Variants in PDE4D observed in about 807,000 individuals in gnomAD.
PDE4D encodes the protein phosphodiesterase 4D, also known as 3',5'-cyclic-AMP phosphodiesterase 4D.
Under a neutral mutation model 87.4 loss-of-function variants are expected in PDE4D, and 24 were observed. That is an observed-to-expected ratio of 0.27 (90% CI 0.20 to 0.39). PDE4D has a LOEUF of 0.39. PDE4D is among the 10% of genes least tolerant of loss of function. The pLI, the probability that PDE4D is intolerant of heterozygous loss-of-function variation, is 1.00. For synonymous variants in PDE4D, 384 were observed against 383.2 expected (o/e 1.00, Z -0.02); for missense variants, 714 against 1,041.0 (o/e 0.69, Z 4.32).
At chr5:60,320,726 A>G (rs1392201253) in intron 1 of PDE4D, among the ~76,000 whole-genome samples, 1 of 152,224 alleles carries the variant, frequency 6.6e-6, no homozygotes, top group Non-Finnish European at 1.5e-5. Flanking sequence ...TACAAAATCA[A>G]TATTCAAAAA....
chr5:59,856,002 A>G (rs950223283), intron 1 of PDE4D, among the ~76,000 whole-genome samples: 15 of 152,172 alleles, frequency 9.9e-5, no homozygotes, highest in African/African-American at 3.6e-4. Context: ...TAGAGAATCT[A>G]AAGAGAATTA....
chr5:59,656,515 T>C (rs1052689132), intron 1 of PDE4D, among the ~76,000 whole-genome samples: 1 of 152,154 alleles, frequency 6.6e-6, no homozygotes, highest in African/African-American at 2.4e-5. Flanking sequence ...CAGAAAGCAG[T>C]TATAGCCAAT....
rs558677290 is a variant in PDE4D, at chr5:58,974,354, G to T, written c.*310C>A. On this transcript the variant is annotated 3_prime_UTR_variant, in exon 15 of 15. Coordinates refer to ENST00000340635, the MANE Select transcript of PDE4D (RefSeq NM_001104631.2). ...AAACCCCAAGTCCAATAAACTTTTGGGCTGCCTGATGAGTCACACTCTCTT... is the reference window on the plus strand; with the variant it reads ...AAACCCCAAGTCCAATAAACTTTTGTGCTGCCTGATGAGTCACACTCTCTT... 1.5e-4 allele frequency: 33 copies of T among 213,608 alleles called. No homozygotes were observed. Among genetic ancestry groups the T allele is most frequent in the Non-Finnish European group, 2.7e-4 (29 of 108,228 alleles). 13.2% of individuals were successfully genotyped at this position (213,608 alleles called of 1,614,324 possible).
At chr5:59,287,061 A>G (rs1767089743) in intron 1 of PDE4D, among the ~76,000 whole-genome samples, 1 of 152,150 alleles carries the variant, frequency 6.6e-6, no homozygotes, top group African/African-American at 2.4e-5. Context: ...ACCAAAAATC[A>G]GCTTAGGTAC....
intron 1 of PDE4D, among the ~76,000 whole-genome samples, chr5:59,689,472 CAT>C (rs1750520921): frequency 6.6e-6 from 1 of 152,152 alleles, no homozygotes; most frequent in African/African-American, 2.4e-5. Context: ...ACAAAAGCCA[CAT>C]GATTCTCTCA....
intron 1 of PDE4D, among the ~76,000 whole-genome samples, chr5:60,275,470 A>T (rs1751268865): frequency 6.6e-6 from 1 of 152,168 alleles, no homozygotes; most frequent in Admixed American, 6.5e-5. Flanking sequence ...AAAAAAGGTC[A>T]CCACAAGTAA....
At chr5:59,242,528 C>A (rs897462342) in intron 1 of PDE4D, among the ~76,000 whole-genome samples, 1 of 152,112 alleles carries the variant, frequency 6.6e-6, no homozygotes, top group Non-Finnish European at 1.5e-5. Flanking sequence ...TTAGCAATGT[C>A]AGAAGAGACA....
intron 5 of PDE4D, among the ~76,000 whole-genome samples, chr5:59,050,170 G>A (rs1316477889): frequency 1.3e-5 from 2 of 152,188 alleles, no homozygotes; most frequent in African/African-American, 4.8e-5. Context: ...GGGAGGCTGA[G>A]GCAGGAGAAT....
chr5:60,515,996 G>C (rs144233430), intron 1 of PDE4D, among the ~76,000 whole-genome samples: 96 of 152,236 alleles, frequency 6.3e-4, no homozygotes, highest in African/African-American at 2.3e-3. Context: ...TATGCTCTAA[G>C]TGTCTATAAA....
intron 3 of PDE4D, among the ~76,000 whole-genome samples, chr5:59,950,049 T>C (rs1758135944): frequency 6.6e-6 from 1 of 152,208 alleles, no homozygotes; most frequent in Non-Finnish European, 1.5e-5. Flanking sequence ...ATTTTCAAAA[T>C]AGTATAGGCA....
intron 1 of PDE4D, among the ~76,000 whole-genome samples, chr5:59,315,990 T>G (rs2153568660): frequency 6.6e-6 from 1 of 152,254 alleles, no homozygotes; most frequent in Admixed American, 6.5e-5. Flanking sequence ...GTTGCCCACT[T>G]GGTCCCTTCC....
chr5:60,407,745 G>A (rs1321400741), intron 1 of PDE4D, among the ~76,000 whole-genome samples: 5 of 151,844 alleles, frequency 3.3e-5, no homozygotes, highest in Non-Finnish European at 7.4e-5. Context: ...GAGCCACCAC[G>A]CTTGGCCCCT....
chr5:59,906,667 A>T (rs1468457489), intron 3 of PDE4D, among the ~76,000 whole-genome samples: 1 of 152,176 alleles, frequency 6.6e-6, no homozygotes, highest in Non-Finnish European at 1.5e-5. Flanking sequence ...ATATTAGAAT[A>T]AAAAAGCTCA....
At chr5:59,480,377 A>T (rs1181191171) in intron 1 of PDE4D, among the ~76,000 whole-genome samples, 1 of 152,150 alleles carries the variant, frequency 6.6e-6, no homozygotes, top group Non-Finnish European at 1.5e-5. Flanking sequence ...TCATATTACA[A>T]TGAAGATAAT....
intron 1 of PDE4D, among the ~76,000 whole-genome samples, chr5:59,408,936 C>G (rs1249372538): frequency 6.6e-6 from 1 of 152,000 alleles, no homozygotes; most frequent in Non-Finnish European, 1.5e-5. Context: ...CACCTGAGGT[C>G]AGGAGTTCAA....
intron 1 of PDE4D, among the ~76,000 whole-genome samples, chr5:60,345,566 C>CA (rs529743142): frequency 0.054 from 6,771 of 124,388 alleles, 169 homozygotes; most frequent in East Asian, 0.16. Context: ...CTTCCCTCTC[C>CA]AAAAAAAAAA....
At chr5:59,204,830 T>A (rs921388181) in intron 2 of PDE4D, among the ~76,000 whole-genome samples, 2 of 152,188 alleles carry the variant, frequency 1.3e-5, no homozygotes, top group Non-Finnish European at 2.9e-5. Flanking sequence ...GGGAAAAGAT[T>A]TTTGGTCAAC....
intron 11 of PDE4D, among the ~76,000 whole-genome samples, chr5:58,979,165 T>C (rs1172288393): frequency 6.6e-6 from 1 of 152,144 alleles, no homozygotes; most frequent in African/African-American, 2.4e-5. Context: ...GGGTGATCTG[T>C]TGTATGGAAG....
chr5:59,906,228 G>A (rs1752794740), intron 3 of PDE4D, among the ~76,000 whole-genome samples: 2 of 152,170 alleles, frequency 1.3e-5, no homozygotes, highest in East Asian at 1.9e-4. Context: ...CCTCCAAAGC[G>A]TTTTACATTT....
Sources: gnomAD v4.1 joint callset for allele counts (sites outside exome capture counted in the v4.1 genomes callset) on GRCh38, gnomAD v4.1.1 for gene constraint, MANE v1.5 for transcripts, NCBI Gene and HGNC (gene_info 2026-07-23, HGNC 2026-07-21) for gene names.